RAP1GAP2: variants seen among roughly 807,000 people sequenced by gnomAD.
The protein encoded by RAP1GAP2 is RAP1 GTPase activating protein 2, also known as rap1 GTPase-activating protein 2.
Under a neutral mutation model 95.0 loss-of-function variants are expected in RAP1GAP2, and 27 were observed. That is an observed-to-expected ratio of 0.28 (90% confidence interval 0.21 to 0.39). The LOEUF is 0.39. Ranked by LOEUF, RAP1GAP2 falls within the 10% of genes least tolerant of loss-of-function variation. RAP1GAP2 has a pLI of 1.00. For synonymous variants in RAP1GAP2, 373 were observed against 380.9 expected (o/e 0.98, Z 0.24); for missense variants, 771 against 970.0 (o/e 0.79, Z 2.72).
intron 2 of RAP1GAP2, among the ~76,000 whole-genome samples, chr17:2,877,073 G>A (rs1008238273): frequency 2.0e-5 from 3 of 151,890 alleles, no homozygotes; most frequent in African/African-American, 4.8e-5. Context: ...ATTTTTAGTA[G>A]AGACGGGGTT....
chr17:3,019,383 C>T (rs904459734), intron 18 of RAP1GAP2, among the ~76,000 whole-genome samples: 4 of 152,012 alleles, frequency 2.6e-5, no homozygotes, highest in South Asian at 2.1e-4. Flanking sequence ...CATGGTGGCA[C>T]GCACCAGTAG....
intron 3 of RAP1GAP2, among the ~76,000 whole-genome samples, chr17:2,909,227 G>C (rs1422229062): frequency 6.6e-6 from 1 of 152,166 alleles, no homozygotes; most frequent in Non-Finnish European, 1.5e-5. Context: ...CGGACATGGA[G>C]GGAGAAGCAT....
chr17:2,971,200 AT>A (rs1156824598), intron 8 of RAP1GAP2, among the ~76,000 whole-genome samples: 1 of 152,222 alleles, frequency 6.6e-6, no homozygotes, highest in Non-Finnish European at 1.5e-5. Context: ...TTCACTTACA[AT>A]TTGATGATAA....
intron 2 of RAP1GAP2, among the ~76,000 whole-genome samples, chr17:2,836,145 T>A (rs1056872190): frequency 6.6e-6 from 1 of 152,112 alleles, no homozygotes; most frequent in Non-Finnish European, 1.5e-5. Flanking sequence ...ATGAGTGGTG[T>A]GGTCGTCCCC....
intron 2 of RAP1GAP2, among the ~76,000 whole-genome samples, chr17:2,841,979 G>T (rs2071389821): frequency 6.6e-6 from 1 of 152,176 alleles, no homozygotes; most frequent in African/African-American, 2.4e-5. Context: ...TGTGCAACTG[G>T]CCCTGTGGCG....
At chr17:2,975,010 C>T (rs2045050857) in intron 8 of RAP1GAP2, among the ~76,000 whole-genome samples, 1 of 152,202 alleles carries the variant, frequency 6.6e-6, no homozygotes, top group African/African-American at 2.4e-5. Context: ...GGATGGATCA[C>T]CTGAGGTCAG....
At chr17:2,824,461 G>A (rs950304825) in intron 2 of RAP1GAP2, among the ~76,000 whole-genome samples, 2 of 133,434 alleles carry the variant, frequency 1.5e-5, no homozygotes, top group Non-Finnish European at 3.2e-5. Flanking sequence ...AAAAAAAAAA[G>A]TCCGGGCATG....
At chr17:2,760,153 C>T (rs1283041433) in intron 1 of RAP1GAP2, among the ~76,000 whole-genome samples, 3 of 151,278 alleles carry the variant, frequency 2.0e-5, no homozygotes, top group Admixed American at 6.6e-5. Context: ...ATTAGCCAGG[C>T]GTGGTGGCGG....
At position 2,813,788 on chromosome 17, in the gene RAP1GAP2, T is replaced by C. The variant is rs151108529; in HGVS notation, c.80+13238T>C. The stretch of plus-strand genomic sequence containing the variant: ...CAGCCGGGCCAACATGGTGAAACCC[T>C]GTCTCTACTAAAAAAGTACAAAAAA... On this transcript the variant is annotated intron_variant, in intron 2 of 24. Transcript: ENST00000254695. Among the ~76,000 whole-genome samples the C allele has an allele frequency of 5.2e-3, 796 of 152,072 alleles. 4 individuals carry two copies. The highest frequency in any genetic ancestry group is 0.018 in the African/African-American group (743 of 41,518).
intron 3 of RAP1GAP2, among the ~76,000 whole-genome samples, chr17:2,917,716 A>G (rs1181081410): frequency 1.3e-5 from 2 of 150,130 alleles, no homozygotes; most frequent in Non-Finnish European, 3.0e-5. Context: ...CCCCGTTTTT[A>G]AAATTCATTT....
Position 3,022,793 on chromosome 17 carries a change from A to G in RAP1GAP2, c.1751+2198A>G, listed in dbSNP as rs192163915. On this transcript the variant is annotated intron_variant, in intron 19 of 24. Transcript: ENST00000254695. ...TGTCTGTGGTTTTGAGGTCTCATCTAAAAAGTTTTTGCCCAGACAGACCAA... is the reference window on the plus strand; with the variant it reads ...TGTCTGTGGTTTTGAGGTCTCATCTGAAAAGTTTTTGCCCAGACAGACCAA... Among the ~76,000 whole-genome samples, 1,224 of 152,310 alleles carry G rather than the reference A, an allele frequency of 8.0e-3. 11 individuals carry two copies. The highest frequency in any genetic ancestry group is 0.013 in the Non-Finnish European group (869 of 68,024).
At chr17:2,805,698 C>G (rs2069486201) in intron 2 of RAP1GAP2, among the ~76,000 whole-genome samples, 1 of 152,008 alleles carries the variant, frequency 6.6e-6, no homozygotes, top group Admixed American at 6.6e-5. Context: ...TTTTGCTACC[C>G]TCTGTGCTCT....
chr17:2,933,953 C>A (rs567527113), intron 3 of RAP1GAP2, among the ~76,000 whole-genome samples: 32 of 152,366 alleles, frequency 2.1e-4, no homozygotes, highest in African/African-American at 7.5e-4. Context: ...AAGCAGGAGC[C>A]CCAGTTGTTT....
At chr17:2,794,384 A>T (rs2069011582), upstream of RAP1GAP2, among the ~76,000 whole-genome samples, 1 of 152,120 alleles carries the variant, frequency 6.6e-6, no homozygotes, top group South Asian at 2.1e-4. Flanking sequence ...GCAGGACCCA[A>T]GTTGTCCACG....
rs1431077148 is a variant in RAP1GAP2, at chr17:2,951,347, C to T, written c.166-6412C>T. ...TGATCCTTTAAGGTCTGTCTGGGAT[C>T]TTGTGTCTTGCAAAAAGCCTTCGTT... On this transcript the variant is annotated intron_variant, in intron 3 of 24. Coordinates refer to ENST00000254695, the MANE Select transcript of RAP1GAP2 (RefSeq NM_015085.5). Among the ~76,000 whole-genome samples, 3 of 152,218 alleles carry T rather than the reference C, an allele frequency of 2.0e-5. No individual in the cohort carries two copies. The East Asian group carries it at 5.8e-4, about 29-fold the overall frequency.
At chr17:2,861,171 G>C (rs1285868557) in intron 2 of RAP1GAP2, among the ~76,000 whole-genome samples, 3 of 151,700 alleles carry the variant, frequency 2.0e-5, no homozygotes, top group Non-Finnish European at 2.9e-5. Context: ...CTTTCAAAAG[G>C]CCTCCCCTGA....
chr17:2,917,639 A>C (rs1270831822), intron 3 of RAP1GAP2, among the ~76,000 whole-genome samples: 1 of 152,096 alleles, frequency 6.6e-6, no homozygotes, highest in Non-Finnish European at 1.5e-5. Context: ...TCCAGATCTC[A>C]GGTGATCCTC....
intron 3 of RAP1GAP2, among the ~76,000 whole-genome samples, chr17:2,934,117 G>A (rs2043234763): frequency 6.6e-6 from 1 of 152,206 alleles, no homozygotes; most frequent in Non-Finnish European, 1.5e-5. Context: ...GGTTGGTTCA[G>A]TACTTGACTG....
At chr17:2,925,021 A>G (rs1028937995) in intron 3 of RAP1GAP2, among the ~76,000 whole-genome samples, 2 of 152,146 alleles carry the variant, frequency 1.3e-5, no homozygotes, top group Non-Finnish European at 2.9e-5. Context: ...TGGATTCCAG[A>G]TGTGGTTTGG....
Sources: allele counts gnomAD v4.1 joint callset (sites outside exome capture counted in the v4.1 genomes callset), GRCh38; gene constraint gnomAD v4.1.1; transcripts MANE v1.5; gene names NCBI Gene and HGNC (gene_info 2026-07-23, HGNC 2026-07-21).